ARL5B: variants seen among roughly 807,000 people sequenced by gnomAD.
ARL5B encodes the protein ADP-ribosylation factor-like protein 5B.
Under a neutral mutation model 26.9 loss-of-function variants are expected in ARL5B, and 10 were observed. The observed-to-expected ratio is 0.37, with a 90% CI of 0.23 to 0.63. ARL5B has a LOEUF of 0.63. Among genes scored for constraint, ARL5B ranks in the 30% least tolerant of loss-of-function variants. The pLI is 0.62. For synonymous variants in ARL5B, 87 were observed against 70.4 expected (o/e 1.24, Z -1.18); for missense variants, 167 against 213.9 (o/e 0.78, Z 1.37).
chr10:18,667,123 A>G (rs1275127850), intron 2 of ARL5B, among the ~76,000 whole-genome samples: 1 of 152,250 alleles, frequency 6.6e-6, no homozygotes, highest in Non-Finnish European at 1.5e-5. Flanking sequence ...TTAATACCTT[A>G]GGAAATTTTC....
chr10:18,663,166 G>A (rs2059844634), intron 1 of ARL5B, among the ~76,000 whole-genome samples: 1 of 151,946 alleles, frequency 6.6e-6, no homozygotes, highest in Non-Finnish European at 1.5e-5. Flanking sequence ...CTGCCACCAT[G>A]CCTGGCTAAT....
At chr10:18,672,027 T>C (rs368113755) in intron 3 of ARL5B, among the ~76,000 whole-genome samples, 6 of 152,334 alleles carry the variant, frequency 3.9e-5, no homozygotes, top group African/African-American at 1.4e-4. Flanking sequence ...CTCCTCTTTT[T>C]TCTGGTGTCT....
chr10:18,663,838 G>C (rs1157425311), intron 1 of ARL5B, among the ~76,000 whole-genome samples: 1 of 150,572 alleles, frequency 6.6e-6, no homozygotes, highest in Non-Finnish European at 1.5e-5. Flanking sequence ...GTGAGCTACT[G>C]CGCCCGGCCC....
chr10:18,659,583 C>A lies in ARL5B; in HGVS notation c.-55C>A. 3 of 1,560,518 alleles carry A rather than the reference C, an allele frequency of 1.9e-6. No individual in the cohort carries two copies. The highest frequency in any genetic ancestry group is 2.6e-6 in the Non-Finnish European group (3 of 1,155,372). Reference sequence around the variant, plus strand: ...CGCAGCCCGCGCCGCGGTGGGGGACCCGGCGCAGCGGCACCTGCTGCCGAG... The same window carrying A: ...CGCAGCCCGCGCCGCGGTGGGGGACACGGCGCAGCGGCACCTGCTGCCGAG... On this transcript the variant is annotated 5_prime_UTR_variant, in exon 1 of 6. Coordinates refer to ENST00000377275, the MANE Select transcript of ARL5B (RefSeq NM_178815.5).
At chr10:18,664,960 A>G (rs942719261) in intron 1 of ARL5B, among the ~76,000 whole-genome samples, 3 of 152,198 alleles carry the variant, frequency 2.0e-5, no homozygotes, top group Admixed American at 1.3e-4. Context: ...CTTTCTCCCA[A>G]CAGGATTATC....
rs1288654784 is a variant in ARL5B at position 18,679,078 on chromosome 10, T to G, written c.*3862T>G. ...TTTGATTCCCACCTGTTATTTTATTTAGAATACGAATACAACCAAGTAGGG... is the reference window on the plus strand; with the variant it reads ...TTTGATTCCCACCTGTTATTTTATTGAGAATACGAATACAACCAAGTAGGG... On this transcript the variant is annotated 3_prime_UTR_variant, in exon 6 of 6. Transcript: ENST00000377275. 1 of 151,958 alleles carries G rather than the reference T, an allele frequency of 6.6e-6. No individual in the cohort carries two copies. Among genetic ancestry groups the G allele is most frequent in the Non-Finnish European group, 1.5e-5 (1 of 67,826 alleles). 9.4% of individuals were successfully genotyped at this position (151,958 alleles called of 1,614,324 possible).
intron 5 of ARL5B, among the ~76,000 whole-genome samples, chr10:18,674,964 A>G (rs763360818): frequency 5.3e-5 from 8 of 152,122 alleles, no homozygotes; most frequent in Non-Finnish European, 1.0e-4. Flanking sequence ...GACTGAAGCA[A>G]TTTCCCACAA....
chr10:18,669,648 G>C (rs1040222840), intron 3 of ARL5B, among the ~76,000 whole-genome samples: 4 of 150,624 alleles, frequency 2.7e-5, no homozygotes, highest in Non-Finnish European at 4.4e-5. Context: ...ATTGTTCTTT[G>C]CAAAGAAGTA....
At chr10:18,661,992 C>A (rs1161871611) in intron 1 of ARL5B, among the ~76,000 whole-genome samples, 1 of 152,178 alleles carries the variant, frequency 6.6e-6, no homozygotes, top group Non-Finnish European at 1.5e-5. Context: ...ACATTAAACT[C>A]TCTAGAGCAA....
intron 3 of ARL5B, among the ~76,000 whole-genome samples, chr10:18,669,733 C>T (rs1352724571): frequency 6.6e-6 from 1 of 152,026 alleles, no homozygotes; most frequent in Non-Finnish European, 1.5e-5. Flanking sequence ...TGGCTCACGC[C>T]TGTAATCCCA....
Position 18,681,372 on chromosome 10 carries a change from T to G in ARL5B, c.*6156T>G, listed in dbSNP as rs1265778004. The G allele has an allele frequency of 6.6e-6, 1 of 152,198 alleles. No individual in the cohort carries two copies. The highest frequency in any genetic ancestry group is 1.5e-5 in the Non-Finnish European group (1 of 68,044). 9.4% of individuals were successfully genotyped at this position (152,198 alleles called of 1,614,324 possible). On this transcript the variant is annotated 3_prime_UTR_variant, in exon 6 of 6. Coordinates refer to ENST00000377275, the MANE Select transcript of ARL5B (RefSeq NM_178815.5). ...ATTGTTTAAATGACATGTTTTAAAGTTTTTAATACTTTATTAGTTATGAAG... is the reference window on the plus strand; with the variant it reads ...ATTGTTTAAATGACATGTTTTAAAGGTTTTAATACTTTATTAGTTATGAAG...
chr10:18,659,863 T>G, intron 1 of ARL5B, 180 bp downstream of exon 1: 2 of 985,134 alleles, frequency 2.0e-6, no homozygotes, highest in South Asian at 4.7e-5. Context: ...AGACCTGACG[T>G]GTGGGAGAAA....
chr10:18,662,560 T>C (rs1186744442), intron 1 of ARL5B, among the ~76,000 whole-genome samples: 1 of 152,196 alleles, frequency 6.6e-6, no homozygotes, highest in African/African-American at 2.4e-5. Flanking sequence ...GAAATACATA[T>C]GTGTTATGTG....
chr10:18,659,572 C>T lies in ARL5B; in HGVS notation c.-66C>T. 2 of 1,521,748 alleles carry T rather than the reference C, an allele frequency of 1.3e-6. No individual in the cohort carries two copies. The highest frequency in any genetic ancestry group is 1.8e-6 in the Non-Finnish European group (2 of 1,137,098). The allele number at this position is 1,521,748 out of a possible 1,614,324, so 94.3% of individuals were successfully genotyped here. A position where few individuals can be genotyped will look rare whatever the true frequency, so the allele number is the denominator to read the frequency against. On this transcript the variant is annotated 5_prime_UTR_variant, in exon 1 of 6. Transcript: ENST00000377275. ...CCTCGGCTCCGCGCAGCCCGCGCCG[C>T]GGTGGGGGACCCGGCGCAGCGGCAC...
intron 1 of ARL5B, among the ~76,000 whole-genome samples, chr10:18,664,429 CTTT>C (rs140830487): frequency 8.9e-5 from 6 of 67,244 alleles, no homozygotes; most frequent in East Asian, 5.7e-4. Flanking sequence ...ACAGTAGTGT[CTTT>C]TTTTTTTTTT....
At chr10:18,666,665 C>T (rs1308393788) in intron 2 of ARL5B, 30 bp downstream of exon 2, 1 of 1,549,150 alleles carries the variant, frequency 6.5e-7, no homozygotes, top group Non-Finnish European at 8.8e-7. Context: ...AAACAGTTTT[C>T]ACTAGTTATT....
intron 5 of ARL5B, among the ~76,000 whole-genome samples, chr10:18,674,602 T>C (rs955116796): frequency 6.6e-6 from 1 of 152,166 alleles, no homozygotes; most frequent in African/African-American, 2.4e-5. Flanking sequence ...AAATGCCACA[T>C]GGTCTATTCT....
chr10:18,659,647 A>G lies in ARL5B; in HGVS notation c.10A>G (p.Ile4Val), dbSNP rs1156293468. 3 of 1,613,040 alleles carry G rather than the reference A, an allele frequency of 1.9e-6. No homozygotes were observed. The highest frequency in any genetic ancestry group is 1.1e-5 in the South Asian group (1 of 90,986). Residue 4 changes from isoleucine (I) to valine (V), a missense_variant, in exon 1 of 6, where the codon ATC becomes GTC. Physicochemically the swap from Ile to Val is conservative, Grantham distance 29. Coordinates refer to ENST00000377275, the MANE Select transcript of ARL5B (RefSeq NM_178815.5). ...CGCCCCGGTGCTCGTGATGGGGCTG[A>G]TCTTCGCCAAACTGTGGAGCCTCTT... Reference protein sequence around the residue: MGLIFAKLWSLFCN... With the variant: MGLVFAKLWSLFCN...
chr10:18,662,315 A>T (rs1411036075), intron 1 of ARL5B, among the ~76,000 whole-genome samples: 1 of 152,036 alleles, frequency 6.6e-6, no homozygotes, highest in African/African-American at 2.4e-5. Flanking sequence ...CCACATTCTC[A>T]TCCTTTTTTT....
Sources: allele counts gnomAD v4.1 joint callset (sites outside exome capture counted in the v4.1 genomes callset), GRCh38; gene constraint gnomAD v4.1.1; transcripts MANE v1.5; gene names NCBI Gene and HGNC (gene_info 2026-07-23, HGNC 2026-07-21).